Variants in ATG16L1 observed in about 807,000 individuals in gnomAD.
The protein encoded by ATG16L1 is autophagy-related protein 16-1.
Under a neutral mutation model 88.5 loss-of-function variants are expected in ATG16L1, and 37 were observed. That is an observed-to-expected ratio of 0.42 (90% confidence interval 0.32 to 0.55). The LOEUF (loss-of-function observed/expected upper bound fraction) is 0.55. Among genes scored for constraint, ATG16L1 ranks in the 20% least tolerant of loss-of-function variants. The pLI is 0.13. For missense variants in ATG16L1, 554 were observed against 752.8 expected, an observed-to-expected ratio of 0.74 and a Z score of 3.09; for synonymous variants, 301 against 281.0, an observed-to-expected ratio of 1.07 and a Z score of -0.71.
intron 9 of ATG16L1, chr2:233,275,467 G>C (rs953279572): frequency 5.8e-6 from 2 of 347,098 alleles, no homozygotes; most frequent in African/African-American, 4.3e-5. Context: ...ACTGGCAGCG[G>C]GTAAGTGAAA....
At chr2:233,280,378 C>A (rs1698643027) in intron 10 of ATG16L1, among the ~76,000 whole-genome samples, 2 of 152,120 alleles carry the variant, frequency 1.3e-5, no homozygotes, top group Admixed American at 1.3e-4. Context: ...TTTGGGATTG[C>A]CCGTTACTGA....
At chr2:233,292,488 G>A (rs1460513306) in intron 16 of ATG16L1, 54 bp downstream of exon 16, 7 of 1,608,762 alleles carry the variant, frequency 4.4e-6, no homozygotes, top group Non-Finnish European at 5.9e-6. Flanking sequence ...AGTCCTGCAT[G>A]GGCATTTTCC....
intron 5 of ATG16L1, among the ~76,000 whole-genome samples, chr2:233,268,752 C>T (rs1441897885): frequency 1.3e-5 from 2 of 152,172 alleles, no homozygotes; most frequent in Non-Finnish European, 2.9e-5. Flanking sequence ...CCCTGTAAAA[C>T]TTATTTTTCA....
intron 1 of ATG16L1, among the ~76,000 whole-genome samples, chr2:233,252,156 C>G (rs922678189): frequency 2.6e-5 from 4 of 152,250 alleles, no homozygotes; most frequent in African/African-American, 9.6e-5. Context: ...ATTGTACGAT[C>G]TTTGTGGGGA....
chr2:233,269,947 C>A, intron 5 of ATG16L1, 55 bp from the exon 6 acceptor site: 2 of 1,540,528 alleles, frequency 1.3e-6, no homozygotes, highest in Non-Finnish European at 1.7e-6. Context: ...GCCCAAACCC[C>A]GTGCTTTCTT....
rs1297195953 is a variant in ATG16L1, at chr2:233,273,258, C to T, written c.794+206C>T. The T allele has an allele frequency of 9.0e-6, 5 of 558,638 alleles. No individual in the cohort carries two copies. The African/African-American group carries it at 9.4e-5, about 11-fold the overall frequency. 34.6% of individuals were successfully genotyped at this position (558,638 alleles called of 1,614,324 possible). ...GAGGGAAGCAGAACACGGGTGGCTT[C>T]AAATGCTTCTAAATACAAAAAAATG... is the stretch of plus-strand genomic sequence containing the variant. On this transcript the variant is annotated intron_variant, in intron 7 of 17. Transcript: ENST00000392017.
rs890421869 is a variant in ATG16L1 at position 233,251,748 on chromosome 2, C to G, written c.-80C>G. ...GGGATTGCCGGCATTCCCGCTTCTG[C>G]TGGTTGCTTCATGCTGCAGGCTGCG... On this transcript the variant is annotated 5_prime_UTR_variant, in exon 1 of 18. Transcript: ENST00000392017. 24 of 1,312,448 alleles carry G rather than the reference C, an allele frequency of 1.8e-5. No homozygotes were observed. The highest frequency in any genetic ancestry group is 2.0e-4 in the Middle Eastern group (1 of 4,964). 81.3% of individuals were successfully genotyped at this position (1,312,448 alleles called of 1,614,324 possible).
Position 233,294,419 on chromosome 2 carries a change from G to C in ATG16L1, c.*69G>C. ...GAAGCACATGGGCTCCTGCAGCCCT[G>C]TCCTGGCAGGTGATGTGCTGGGTAT... is the stretch of plus-strand genomic sequence containing the variant. On this transcript the variant is annotated 3_prime_UTR_variant, in exon 18 of 18. Transcript: ENST00000392017. 1 of 1,277,418 alleles carries C rather than the reference G, an allele frequency of 7.8e-7. No individual in the cohort carries two copies. Among genetic ancestry groups the C allele is most frequent in the Non-Finnish European group, 1.1e-6 (1 of 893,768 alleles). The allele number at this position is 1,277,418 out of a possible 1,614,324, so 79.1% of individuals were successfully genotyped here. A position where few individuals can be genotyped will look rare whatever the true frequency, so the allele number is the denominator to read the frequency against.
intron 8 of ATG16L1, chr2:233,274,279 G>A (rs1698194159): frequency 1.9e-6 from 1 of 516,750 alleles, no homozygotes; most frequent in Admixed American, 3.5e-5. Flanking sequence ...GATCACAAGT[G>A]ATGAGGTTGA....
At chr2:233,271,677 TC>T (rs1290893481) in intron 6 of ATG16L1, among the ~76,000 whole-genome samples, 1 of 152,268 alleles carries the variant, frequency 6.6e-6, no homozygotes, top group African/African-American at 2.4e-5. Context: ...GCTAGTGTTT[TC>T]TTGTGGTCCC....
intron 1 of ATG16L1, among the ~76,000 whole-genome samples, chr2:233,255,008 C>G (rs1696676012): frequency 6.6e-6 from 1 of 152,090 alleles, no homozygotes; most frequent in African/African-American, 2.4e-5. Context: ...CAGTCTCACT[C>G]TGTCGCCCAG....
chr2:233,288,071 A>G (rs901543271), intron 12 of ATG16L1, among the ~76,000 whole-genome samples: 1 of 152,278 alleles, frequency 6.6e-6, no homozygotes, highest in Admixed American at 6.5e-5. Flanking sequence ...ACCGCAGCAC[A>G]GCCGGCACCC....
At chr2:233,261,383 A>C (rs1697202426) in intron 2 of ATG16L1, among the ~76,000 whole-genome samples, 1 of 152,162 alleles carries the variant, frequency 6.6e-6, no homozygotes, top group Non-Finnish European at 1.5e-5. Flanking sequence ...ATACCATCTC[A>C]ATAATTTTTT....
At chr2:233,275,761 T>A (rs369183178) in intron 9 of ATG16L1, 83 of 519,142 alleles carry the variant, frequency 1.6e-4, no homozygotes, top group Middle Eastern at 3.2e-4. Flanking sequence ...CTGATTGCAC[T>A]GAATGTCACG....
intron 2 of ATG16L1, 44 bp downstream of exon 2, chr2:233,256,239 A>G (rs1696768075): frequency 6.7e-7 from 1 of 1,497,372 alleles, no homozygotes; most frequent in African/African-American, 1.4e-5. Flanking sequence ...CCTCTAAGGA[A>G]ATTTATCTCA....
intron 5 of ATG16L1, 42 bp downstream of exon 5, chr2:233,265,185 G>C: frequency 6.2e-7 from 1 of 1,603,484 alleles, no homozygotes; most frequent in Non-Finnish European, 8.5e-7. Context: ...ATCCTTAGTA[G>C]AGTAGAACCT....
At position 233,294,276 on chromosome 2, in the gene ATG16L1, G is replaced by C. The variant is rs751214302; in HGVS notation, c.1750G>C (p.Ala584Pro). 6.2e-7 allele frequency: 1 copy of C among 1,608,324 alleles called. No homozygotes were observed. ...TTGAAGCTCATCCATCAATGCGGTG[G>C]CGTGGTCGCCCTCTGGCTCGCACGT... ...KQHSSSINAV[A>P]WSPSGSHVVS... Residue 584 changes from alanine to proline, a missense_variant, in exon 18 of 18, where the codon GCG becomes CCG. Ala to Pro is a conservative substitution (Grantham distance 27). This residue lies in a region of ATG16L1 where 370 missense variants were observed against 509.7 expected (regional missense o/e 0.73). Coordinates refer to ENST00000392017, the MANE Select transcript of ATG16L1 (RefSeq NM_030803.7).
intron 8 of ATG16L1, chr2:233,274,174 G>T: frequency 1.0e-6 from 1 of 995,726 alleles, no homozygotes; most frequent in Non-Finnish European, 1.5e-6. Flanking sequence ...TCCTAGGAAT[G>T]CCGGGAGCCC....
rs1239728731 is a variant in ATG16L1 at position 233,251,791 on chromosome 2, G to T, written c.-37G>T. ...AGGCTGCGGCCGTCAGCCCTCGCTC[G>T]CATTGGTGGCGCTGAGGTGCCGGGG... is the stretch of plus-strand genomic sequence containing the variant. On this transcript the variant is annotated 5_prime_UTR_variant, in exon 1 of 18. Coordinates refer to ENST00000392017, the MANE Select transcript of ATG16L1 (RefSeq NM_030803.7). 3 of 1,533,086 alleles carry T rather than the reference G, an allele frequency of 2.0e-6. No homozygotes were observed. Among genetic ancestry groups the T allele is most frequent in the Non-Finnish European group, 8.8e-7 (1 of 1,132,844 alleles). The allele number at this position is 1,533,086 out of a possible 1,614,324, so 95.0% of individuals were successfully genotyped here.
Sources: allele counts gnomAD v4.1 joint callset (sites outside exome capture counted in the v4.1 genomes callset), GRCh38; gene constraint gnomAD v4.1.1; regional missense constraint gnomAD v4.1.1; transcripts MANE v1.5; gene names NCBI Gene and HGNC (gene_info 2026-07-23, HGNC 2026-07-21).